The following SSH2 variants were observed in gnomAD, a reference collection of about 807,000 sequenced individuals.
SSH2 encodes slingshot protein phosphatase 2, also known as protein phosphatase Slingshot homolog 2.
A neutral mutation model predicts 135.2 loss-of-function variants in SSH2; 37 were observed. That is an observed-to-expected ratio of 0.27 (90% CI 0.21 to 0.36). SSH2 has a LOEUF of 0.36. Ranked by LOEUF, SSH2 falls within the 10% of genes least tolerant of loss-of-function variation. The pLI is 1.00. For missense variants in SSH2, 1,408 were observed against 1,765.3 expected (o/e 0.80, Z 3.63); for synonymous variants, 628 against 646.2 (o/e 0.97, Z 0.43).
chr17:29,730,018 G>C (rs577703289), intron 3 of SSH2, among the ~76,000 whole-genome samples: 128 of 152,190 alleles, frequency 8.4e-4, no homozygotes, highest in African/African-American at 3.0e-3. Context: ...ATTACTGTAA[G>C]TTTAAAATAA....
chr17:29,845,056 G>A (rs575644998), intron 2 of SSH2, among the ~76,000 whole-genome samples: 1 of 152,334 alleles, frequency 6.6e-6, no homozygotes, highest in South Asian at 2.1e-4. Flanking sequence ...ATTTGCACAT[G>A]AGTCAATCAA....
At chr17:29,659,000 C>T (rs1224668563) in intron 11 of SSH2, among the ~76,000 whole-genome samples, 2 of 151,410 alleles carry the variant, frequency 1.3e-5, no homozygotes, top group Non-Finnish European at 2.9e-5. Context: ...CAAACATATG[C>T]TTATTGCTAC....
At chr17:29,853,150 G>A (rs1405913061) in intron 1 of SSH2, among the ~76,000 whole-genome samples, 1 of 146,234 alleles carries the variant, frequency 6.8e-6, no homozygotes. Context: ...GCAGTGGCGC[G>A]ATCTCTGCTC....
chr17:29,893,150 C>T (rs1322304380), intron 1 of SSH2, among the ~76,000 whole-genome samples: 1 of 152,050 alleles, frequency 6.6e-6, no homozygotes, highest in Non-Finnish European at 1.5e-5. Context: ...CTTCTCTTCA[C>T]CTCCTCAATA....
chr17:29,723,301 C>T (rs1424295493), intron 3 of SSH2, among the ~76,000 whole-genome samples: 1 of 152,210 alleles, frequency 6.6e-6, no homozygotes, highest in Non-Finnish European at 1.5e-5. Flanking sequence ...TTCATCTGCT[C>T]TACTGCCTTG....
At chr17:29,851,195 G>A (rs1165624632) in intron 1 of SSH2, among the ~76,000 whole-genome samples, 1 of 152,122 alleles carries the variant, frequency 6.6e-6, no homozygotes, top group Non-Finnish European at 1.5e-5. Flanking sequence ...AATTAAAATG[G>A]TAGAGATCAG....
chr17:29,823,686 C>A (rs2042693954), intron 2 of SSH2, among the ~76,000 whole-genome samples: 1 of 152,066 alleles, frequency 6.6e-6, no homozygotes, highest in African/African-American at 2.4e-5. Flanking sequence ...CCAGACCAGC[C>A]TGGCCAACAT....
intron 1 of SSH2, among the ~76,000 whole-genome samples, chr17:29,907,556 G>A: frequency 6.6e-6 from 1 of 152,204 alleles, no homozygotes; most frequent in East Asian, 1.9e-4. Flanking sequence ...ATTTTCCTTA[G>A]GCACTAGAGA....
intron 3 of SSH2, among the ~76,000 whole-genome samples, chr17:29,769,200 G>A (rs2041514618): frequency 6.6e-6 from 1 of 152,172 alleles, no homozygotes; most frequent in African/African-American, 2.4e-5. Flanking sequence ...AATCCAGCCA[G>A]TTATTCTGGC....
At chr17:29,841,169 C>A (rs898824910) in intron 2 of SSH2, among the ~76,000 whole-genome samples, 3 of 152,116 alleles carry the variant, frequency 2.0e-5, no homozygotes, top group Admixed American at 1.3e-4. Context: ...TTGTAATATT[C>A]CATTTCCTGA....
intron 2 of SSH2, among the ~76,000 whole-genome samples, chr17:29,840,430 C>T (rs1211757112): frequency 6.6e-6 from 1 of 152,184 alleles, no homozygotes; most frequent in Non-Finnish European, 1.5e-5. Flanking sequence ...AAGGCATCAA[C>T]TATGTGCAAT....
chr17:29,763,752 A>G (rs948570679), intron 3 of SSH2, among the ~76,000 whole-genome samples: 3 of 152,150 alleles, frequency 2.0e-5, no homozygotes, highest in Admixed American at 6.5e-5. Flanking sequence ...TCTTTTATAA[A>G]TAGGTTCCTA....
intron 2 of SSH2, among the ~76,000 whole-genome samples, chr17:29,847,325 G>A (rs191959202): frequency 1.0e-3 from 157 of 152,306 alleles, no homozygotes; most frequent in African/African-American, 3.7e-3. Context: ...GAGCCAGTGA[G>A]AAGCAAATAG....
At chr17:29,766,517 A>G (rs2041452099) in intron 3 of SSH2, among the ~76,000 whole-genome samples, 1 of 151,880 alleles carries the variant, frequency 6.6e-6, no homozygotes, top group Non-Finnish European at 1.5e-5. Flanking sequence ...TCCCCTATGT[A>G]CCACCATTTC....
At position 29,630,873 on chromosome 17, in the gene SSH2, G is replaced by A. The variant is rs776181437; in HGVS notation, c.4321C>T (p.Arg1441Trp). 15 of 1,568,924 alleles carry A rather than the reference G, an allele frequency of 9.6e-6. No homozygotes were observed. Among genetic ancestry groups the A allele is most frequent in the Admixed American group, 5.5e-5 (3 of 54,492 alleles). Residue 1441 changes from arginine (R) to tryptophan (W), a missense_variant, in exon 16 of 16, where the codon CGG (arginine) becomes TGG (tryptophan). Transcript: ENST00000540801. ...GTATTATAGAAGGGGTTGGTTGTCC[G>A]TTTTTTGTCATTTGCCTTTTTCAGT... The part of the protein sequence containing the change: ...RRLKKANDKK[R>W]TTNPFYNTM
chr17:29,783,318 T>TTATA (rs372884691), intron 3 of SSH2, among the ~76,000 whole-genome samples: 4,308 of 142,002 alleles, frequency 0.03, 64 homozygotes, highest in East Asian at 0.041. Flanking sequence ...ATAACATATA[T>TTATA]TATATATATA....
chr17:29,720,710 A>G (rs73263607), intron 3 of SSH2, among the ~76,000 whole-genome samples: 1 of 152,198 alleles, frequency 6.6e-6, no homozygotes, highest in African/African-American at 2.4e-5. Flanking sequence ...CACTTGCAAA[A>G]GCAGTTAACT....
intron 3 of SSH2, among the ~76,000 whole-genome samples, chr17:29,727,310 G>A (rs2040035285): frequency 6.6e-6 from 1 of 152,118 alleles, no homozygotes; most frequent in South Asian, 2.1e-4. Context: ...GAAGACAAGT[G>A]AATTTTACAA....
intron 3 of SSH2, chr17:29,761,140 G>A (rs2041281343): frequency 1.6e-6 from 2 of 1,288,724 alleles, no homozygotes; most frequent in South Asian, 1.2e-5. Context: ...AGGGCGCGCG[G>A]CGGACTCACA....
Sources: gnomAD v4.1 joint callset for allele counts (sites outside exome capture counted in the v4.1 genomes callset) on GRCh38, gnomAD v4.1.1 for gene constraint, MANE v1.5 for transcripts, NCBI Gene and HGNC (gene_info 2026-07-23, HGNC 2026-07-21) for gene names.